RAB37: variants seen among roughly 807,000 people sequenced by gnomAD.
RAB37 encodes RAB37, member RAS oncogene family, also known as ras-related protein Rab-37.
A neutral mutation model predicts 33.1 loss-of-function variants in RAB37; 29 were observed. That is an observed-to-expected ratio of 0.88 (90% CI 0.65 to 1.20). The LOEUF (loss-of-function observed/expected upper bound fraction) is 1.20, where lower values mean the gene tolerates loss of function less well. RAB37 is among the 50% of genes most tolerant of loss of function. The pLI is 0.00. For missense variants in RAB37, 299 were observed against 301.1 expected (o/e 0.99, Z 0.05); for synonymous variants, 128 against 119.5 (o/e 1.07, Z -0.47).
Position 74,704,461 on chromosome 17 carries a change from T to C in RAB37, c.73-24795T>C, listed in dbSNP as rs1055411036. On this transcript the variant is annotated intron_variant, in intron 1 of 7. Transcript: ENST00000340415. ...GCAGGCCCTGAGAGACACACACATATATACACTCCCTCTTACCTGGGTCAA... is the reference window on the plus strand; with the variant it reads ...GCAGGCCCTGAGAGACACACACATACATACACTCCCTCTTACCTGGGTCAA... The C allele has an allele frequency of 2.5e-6, 4 of 1,577,586 alleles. 1 individual carries two copies. The highest frequency in any genetic ancestry group is 2.3e-5 in the South Asian group (2 of 87,346).
chr17:74,679,564 C>T (rs1049695962), intron 1 of RAB37, among the ~76,000 whole-genome samples: 5 of 152,198 alleles, frequency 3.3e-5, no homozygotes, highest in African/African-American at 1.2e-4. Flanking sequence ...TTTATTTCTG[C>T]AGCACTTTAC....
chr17:74,679,829 T>G (rs2143471475), intron 1 of RAB37, among the ~76,000 whole-genome samples: 1 of 151,800 alleles, frequency 6.6e-6, no homozygotes, highest in East Asian at 2.0e-4. Flanking sequence ...AACACAAAAA[T>G]TAGCTGGGTG....
chr17:74,683,406 C>T (rs965030681), intron 1 of RAB37, among the ~76,000 whole-genome samples: 7 of 152,186 alleles, frequency 4.6e-5, no homozygotes, highest in Non-Finnish European at 7.3e-5. Flanking sequence ...GCTATGGAGA[C>T]GCCTGAATTT....
chr17:74,698,367 A>T (rs1298902156), intron 1 of RAB37: 3 of 1,607,978 alleles, frequency 1.9e-6, no homozygotes, highest in Non-Finnish European at 2.6e-6. Context: ...AGGTCCTCTC[A>T]CCTTTCTGCT....
chr17:74,708,553 T>C (rs1205736589), intron 1 of RAB37, among the ~76,000 whole-genome samples: 4 of 152,180 alleles, frequency 2.6e-5, no homozygotes, highest in Admixed American at 6.5e-5. Context: ...TGGTGATACA[T>C]AAACAGGATA....
At chr17:74,674,394 T>A (rs142321916) in intron 1 of RAB37, among the ~76,000 whole-genome samples, 197 of 151,182 alleles carry the variant, frequency 1.3e-3, no homozygotes, top group African/African-American at 4.3e-3. Flanking sequence ...GGAAATGATT[T>A]TTTAAATAGA....
chr17:74,737,203 G>A, upstream of RAB37: 4 of 1,531,462 alleles, frequency 2.6e-6, no homozygotes, highest in South Asian at 3.6e-5. Context: ...AGTGGGCGGG[G>A]CGGGGGTGGG....
chr17:74,736,058 A>C (rs1194407287), upstream of RAB37, among the ~76,000 whole-genome samples: 1 of 152,066 alleles, frequency 6.6e-6, no homozygotes, highest in Admixed American at 6.6e-5. Flanking sequence ...ATACAAAAAG[A>C]AAAAATAGCC....
At chr17:74,709,742 A>AT (rs534800950) in intron 1 of RAB37, among the ~76,000 whole-genome samples, 84 of 146,034 alleles carry the variant, frequency 5.8e-4, no homozygotes, top group Middle Eastern at 7.1e-3. Flanking sequence ...CCAGGCTAGT[A>AT]TTTTTTTTTT....
At chr17:74,741,014 C>A in intron 2 of RAB37, 136 bp downstream of exon 2, 1 of 684,196 alleles carries the variant, frequency 1.5e-6, no homozygotes, top group Non-Finnish European at 2.6e-6. Flanking sequence ...ACAACCCGCT[C>A]CCCCAAGACC....
chr17:74,675,263 C>T (rs767685273), intron 1 of RAB37, among the ~76,000 whole-genome samples: 34 of 151,866 alleles, frequency 2.2e-4, no homozygotes, highest in Non-Finnish European at 4.3e-4. Flanking sequence ...GGTGAAACCC[C>T]ATTTCTACTA....
At position 74,695,246 on chromosome 17, in the gene RAB37, G is replaced by A. The variant is rs749373146; in HGVS notation, c.72+23588G>A. 4 of 1,613,994 alleles carry A rather than the reference G, an allele frequency of 2.5e-6. No homozygotes were observed. In the East Asian group the frequency reaches 8.9e-5, roughly 36 times the overall value. ...CATAGGAAATGTCCTCCTTCGGCAA[G>A]GAAGCCTGCAGCAAAGGCGGGCTCC... is the stretch of plus-strand genomic sequence containing the variant. On this transcript the variant is annotated intron_variant, in intron 1 of 7. Coordinates refer to the RAB37 transcript ENST00000340415.
chr17:74,708,949 G>C (rs569535411), intron 1 of RAB37, among the ~76,000 whole-genome samples: 1 of 149,716 alleles, frequency 6.7e-6, no homozygotes, highest in South Asian at 2.1e-4. Context: ...AGGAGGCCAG[G>C]CACGGTGGTT....
At chr17:74,696,566 GTC>G (rs755462321) in intron 1 of RAB37, among the ~76,000 whole-genome samples, 6 of 152,208 alleles carry the variant, frequency 3.9e-5, no homozygotes, top group Admixed American at 1.3e-4. Flanking sequence ...ATTCCACCAT[GTC>G]TCTCTACCTG....
intron 1 of RAB37, among the ~76,000 whole-genome samples, chr17:74,686,658 T>C (rs1000256973): frequency 6.6e-6 from 1 of 152,156 alleles, no homozygotes; most frequent in Non-Finnish European, 1.5e-5. Context: ...CCTCCCAAAG[T>C]GCTGGGATTA....
intron 1 of RAB37, among the ~76,000 whole-genome samples, chr17:74,699,159 C>T (rs1296219888): frequency 6.6e-6 from 1 of 152,116 alleles, no homozygotes; most frequent in Non-Finnish European, 1.5e-5. Flanking sequence ...CCTCATGATC[C>T]GCCCACCTCA....
chr17:74,698,551 C>A, intron 1 of RAB37: 2 of 1,543,288 alleles, frequency 1.3e-6, no homozygotes, highest in Non-Finnish European at 1.7e-6. Context: ...TCCCACCCAC[C>A]CAGCAGCAGG....
intron 2 of RAB37, 46 bp downstream of exon 2, chr17:74,740,924 T>C: frequency 7.0e-7 from 1 of 1,426,362 alleles, no homozygotes; most frequent in South Asian, 1.1e-5. Flanking sequence ...GCCAGGGCTG[T>C]GGCTCAGGCA....
At chr17:74,700,840 C>T (rs2032986765) in intron 1 of RAB37, among the ~76,000 whole-genome samples, 2 of 152,170 alleles carry the variant, frequency 1.3e-5, no homozygotes, top group South Asian at 2.1e-4. Flanking sequence ...GTTGAAGTCC[C>T]ACCCTTTAGT....
Sources: allele counts gnomAD v4.1 joint callset (sites outside exome capture counted in the v4.1 genomes callset), GRCh38; gene constraint gnomAD v4.1.1; transcripts MANE v1.5; gene names NCBI Gene and HGNC (gene_info 2026-07-23, HGNC 2026-07-21).